Variants in MLLT10 observed in about 807,000 individuals in gnomAD.
The protein encoded by MLLT10 is protein AF-10.
A neutral mutation model predicts 129.1 loss-of-function variants in MLLT10; 30 were observed. The observed-to-expected ratio is 0.23, with a 90% CI of 0.17 to 0.32. The LOEUF (loss-of-function observed/expected upper bound fraction) is 0.32, where lower values mean the gene tolerates loss of function less well. Ranked by LOEUF, MLLT10 falls within the 10% of genes least tolerant of loss-of-function variation. The probability of loss-of-function intolerance (pLI) is 1.00; values close to 1 mark genes in which losing one functional copy is unlikely to be tolerated. For synonymous variants in MLLT10, 490 were observed against 446.4 expected (o/e 1.10, Z -1.23); for missense variants, 1,119 against 1,268.3 (o/e 0.88, Z 1.79).
Position 21,741,850 on chromosome 10 carries a change from C to T in MLLT10, c.3163-89C>T, listed in dbSNP as rs1833690118. On this transcript the variant is annotated intron_variant, in intron 22 of 22. Transcript: ENST00000307729. ...GAAAAAAGGGAGTAACTTTCTATAC[C>T]ACATTTTATCTCAGTCACAGTTTCA... The T allele has an allele frequency of 1.3e-5, 18 of 1,394,260 alleles. No individual in the cohort carries two copies. In the South Asian group the frequency reaches 2.0e-4, roughly 16 times the overall value. The allele number at this position is 1,394,260 out of a possible 1,614,324, so 86.4% of individuals were successfully genotyped here.
chr10:21,656,556 A>G (rs1456850911), intron 9 of MLLT10, among the ~76,000 whole-genome samples: 1 of 152,134 alleles, frequency 6.6e-6, no homozygotes, highest in Non-Finnish European at 1.5e-5. Flanking sequence ...TTTCTTTATT[A>G]ACTTAGATTA....
intron 8 of MLLT10, among the ~76,000 whole-genome samples, chr10:21,638,223 G>T (rs988348469): frequency 8.2e-6 from 1 of 122,184 alleles, no homozygotes; most frequent in African/African-American, 3.1e-5. Context: ...TTTGTGGACC[G>T]CATTTAGTCT....
chr10:21,593,260 CATT>C (rs952222329), intron 4 of MLLT10, among the ~76,000 whole-genome samples: 8 of 151,898 alleles, frequency 5.3e-5, no homozygotes, highest in Admixed American at 2.6e-4. Flanking sequence ...GCACCTGACT[CATT>C]ATTTTTTTTT....
At chr10:21,534,108 A>C, upstream of MLLT10, 1 of 270,132 alleles carries the variant, frequency 3.7e-6, no homozygotes. Context: ...GGCGGCGGCG[A>C]GCGGCGCGGG....
chr10:21,649,404 T>C lies in MLLT10; in HGVS notation c.700-2269T>C, dbSNP rs1589427362. Among the ~76,000 whole-genome samples the C allele has an allele frequency of 2.0e-5, 3 of 152,308 alleles. No homozygotes were observed. The East Asian group carries it at 5.8e-4, about 29-fold the overall frequency. ...TATTGTTATTTTGTTTGTGCTTTCT[T>C]TAGCTCCCATGACCCAATCGTGTAT... On this transcript the variant is annotated intron_variant, in intron 8 of 22. Transcript: ENST00000307729.
chr10:21,688,395 C>G (rs2053510438), intron 13 of MLLT10: 1 of 993,238 alleles, frequency 1.0e-6, no homozygotes, highest in Admixed American at 1.9e-5. Context: ...ACACTGCACC[C>G]CATCATAATA....
At chr10:21,736,739 G>A (rs1010021602) in intron 21 of MLLT10, among the ~76,000 whole-genome samples, 2 of 152,194 alleles carry the variant, frequency 1.3e-5, no homozygotes, top group African/African-American at 4.8e-5. Flanking sequence ...CACTAAGCTT[G>A]AAATCTCTTT....
chr10:21,619,025 G>GACACAC (rs1225546623), intron 8 of MLLT10, among the ~76,000 whole-genome samples: 28 of 100,616 alleles, frequency 2.8e-4, no homozygotes, highest in African/African-American at 9.4e-4. Flanking sequence ...CGTGCCTGGT[G>GACACAC]ACATACACAC....
At chr10:21,648,819 A>C (rs2131314960) in intron 8 of MLLT10, among the ~76,000 whole-genome samples, 1 of 152,302 alleles carries the variant, frequency 6.6e-6, no homozygotes, top group East Asian at 1.9e-4. Flanking sequence ...AGGAGGAGTA[A>C]AGGCAAGTCT....
At chr10:21,560,457 A>G (rs907730962) in intron 3 of MLLT10, among the ~76,000 whole-genome samples, 2 of 151,988 alleles carry the variant, frequency 1.3e-5, no homozygotes, top group African/African-American at 4.8e-5. Flanking sequence ...TGTTTTTGAG[A>G]CAGGGTCTAG....
rs532531051 is a variant in MLLT10, at chr10:21,618,149, AT to A, written c.699+945del. 2.6e-5 allele frequency among the ~76,000 whole-genome samples: 4 copies of A among 152,336 alleles called. No homozygotes were observed. In the South Asian group the frequency reaches 8.3e-4, roughly 32 times the overall value. Reference sequence around the variant, plus strand: ...AATGTTTCTGCAGACTGTATTTAAAATTTAGATCTCTTATCATTTTCACATT... The same window carrying A: ...AATGTTTCTGCAGACTGTATTTAAAATTAGATCTCTTATCATTTTCACATT... On this transcript the variant is annotated intron_variant, in intron 8 of 22. Coordinates refer to ENST00000307729, the MANE Select transcript of MLLT10 (RefSeq NM_001195626.3).
intron 16 of MLLT10, among the ~76,000 whole-genome samples, 154 bp downstream of exon 16, chr10:21,728,082 A>T (rs2057664083): frequency 6.6e-6 from 1 of 152,250 alleles, no homozygotes; most frequent in Non-Finnish European, 1.5e-5. Context: ...ATTCTAAATT[A>T]ATTTAAATAT....
At chr10:21,582,095 T>G (rs953546187) in intron 3 of MLLT10, among the ~76,000 whole-genome samples, 1 of 152,120 alleles carries the variant, frequency 6.6e-6, no homozygotes, top group Non-Finnish European at 1.5e-5. Context: ...TAGCTTTTCT[T>G]ATAGTACATT....
intron 8 of MLLT10, among the ~76,000 whole-genome samples, chr10:21,618,317 G>A (rs1251670679): frequency 6.6e-6 from 1 of 151,722 alleles, no homozygotes; most frequent in South Asian, 2.1e-4. Context: ...CCAACATGGT[G>A]AAACTGTGTC....
At chr10:21,700,699 A>G (rs2054825315) in intron 13 of MLLT10, among the ~76,000 whole-genome samples, 1 of 152,104 alleles carries the variant, frequency 6.6e-6, no homozygotes, top group African/African-American at 2.4e-5. Flanking sequence ...GTCCCACTTG[A>G]TCATGGTGTA....
rs1053379625 is a variant in MLLT10, at chr10:21,577,520, A to G, written c.241-8774A>G. On this transcript the variant is annotated intron_variant, in intron 3 of 22. Transcript: ENST00000307729. Reference sequence around the variant, plus strand: ...CCTCTGTTGCCCAGGCTGGAGTGCAATGGTGCAATGGCGCAATCTCAGCCC... The same window carrying G: ...CCTCTGTTGCCCAGGCTGGAGTGCAGTGGTGCAATGGCGCAATCTCAGCCC... Among the ~76,000 whole-genome samples the G allele has an allele frequency of 1.3e-4, 19 of 149,184 alleles. 1 individual carries two copies. Among genetic ancestry groups the G allele is most frequent in the African/African-American group, 3.7e-4 (15 of 40,260 alleles).
chr10:21,625,072 T>TC, intron 8 of MLLT10: 1 of 866,398 alleles, frequency 1.2e-6, no homozygotes, highest in South Asian at 1.5e-5. Context: ...ATAACTGTAG[T>TC]AATCTTCATG....
In MLLT10 at chr10:21,733,046, C is replaced by G. The variant is rs762016742; in HGVS notation, c.2366C>G (p.Pro789Arg). 6.2e-7 allele frequency: 1 copy of G among 1,613,366 alleles called. No individual in the cohort carries two copies. The highest frequency in any genetic ancestry group is 1.7e-5 in the Admixed American group (1 of 59,894). The change falls in exon 18 of 23, where the codon CCT becomes CGT. Residue 789 changes from proline (P) to arginine (R), a missense_variant. Pro to Arg is a moderately radical substitution (Grantham distance 103). Around this residue, in one of 5 missense-constraint regions of MLLT10, gnomAD observed 1,004 missense variants for 1,008.7 expected, o/e 1.00. Coordinates refer to ENST00000307729, the MANE Select transcript of MLLT10 (RefSeq NM_001195626.3). ...SVPFPTITAN[P>R]SPSHQIHTFS... ...CCTTTTCCAACAATAACAGCAAATCCTAGTCCGTCTCATCAAATACACACA... is the reference window on the plus strand; with the variant it reads ...CCTTTTCCAACAATAACAGCAAATCGTAGTCCGTCTCATCAAATACACACA...
chr10:21,667,217 TAAAAAGA>T (rs2050898805), intron 9 of MLLT10, among the ~76,000 whole-genome samples: 1 of 152,014 alleles, frequency 6.6e-6, no homozygotes, highest in African/African-American at 2.4e-5. Context: ...AAGACATCCT[TAAAAAGA>T]AAAAAGAAAA....
Sources: gnomAD v4.1 joint callset for allele counts (sites outside exome capture counted in the v4.1 genomes callset) on GRCh38, gnomAD v4.1.1 for gene constraint, gnomAD v4.1.1 regional missense constraint, MANE v1.5 for transcripts, NCBI Gene and HGNC (gene_info 2026-07-23, HGNC 2026-07-21) for gene names.